The following BANK1 variants were observed in gnomAD, a reference collection of about 807,000 sequenced individuals.
BANK1 encodes B-cell scaffold protein with ankyrin repeats.
In BANK1, 95 loss-of-function variants were observed where a neutral mutation model predicts 94.5. That is an observed-to-expected ratio of 1.00 (90% CI 0.85 to 1.19). BANK1 has a LOEUF of 1.19. BANK1 is among the 50% of genes most tolerant of loss of function. The pLI is 0.00. For missense variants in BANK1, 987 were observed against 932.2 expected, an observed-to-expected ratio of 1.06 and a Z score of -0.77; for synonymous variants, 334 against 308.4, an observed-to-expected ratio of 1.08 and a Z score of -0.87.
intron 7 of BANK1, among the ~76,000 whole-genome samples, chr4:101,963,683 G>A (rs1425356149): frequency 6.6e-6 from 1 of 151,976 alleles, no homozygotes; most frequent in Non-Finnish European, 1.5e-5. Flanking sequence ...ATTTTAGTTT[G>A]AGATACAATG....
chr4:102,013,025 A>G (rs754988307), intron 7 of BANK1, among the ~76,000 whole-genome samples: 16 of 152,150 alleles, frequency 1.1e-4, no homozygotes, highest in Non-Finnish European at 1.9e-4. Context: ...TACTGTGGAC[A>G]TAGTGTTACT....
At chr4:102,009,508 A>G (rs1190358658) in intron 7 of BANK1, among the ~76,000 whole-genome samples, 5 of 152,208 alleles carry the variant, frequency 3.3e-5, no homozygotes, top group Non-Finnish European at 2.9e-5. Flanking sequence ...AAATGTTGTC[A>G]GCTGTCTCTC....
chr4:101,884,915 T>C (rs1280277143), intron 5 of BANK1, among the ~76,000 whole-genome samples: 1 of 152,156 alleles, frequency 6.6e-6, no homozygotes, highest in African/African-American at 2.4e-5. Flanking sequence ...TGTTTTGTTT[T>C]GTTTTTTTCT....
At chr4:101,898,353 AAG>A (rs1426487626) in intron 6 of BANK1, among the ~76,000 whole-genome samples, 1 of 151,970 alleles carries the variant, frequency 6.6e-6, no homozygotes, top group African/African-American at 2.4e-5. Flanking sequence ...GGGAATTGGA[AAG>A]AGAAATGGTG....
intron 4 of BANK1, among the ~76,000 whole-genome samples, chr4:101,867,752 TA>T (rs933007024): frequency 6.5e-5 from 9 of 137,546 alleles, no homozygotes; most frequent in South Asian, 2.2e-4. Flanking sequence ...AAAGTATAAT[TA>T]AAAAAAATAA....
intron 15 of BANK1, among the ~76,000 whole-genome samples, chr4:102,072,643 T>C (rs554548354): frequency 6.6e-6 from 1 of 152,114 alleles, no homozygotes. Context: ...AAATTCAACA[T>C]GTACAGACCA....
chr4:101,932,851 A>C (rs1026926498), intron 7 of BANK1, among the ~76,000 whole-genome samples: 1 of 151,672 alleles, frequency 6.6e-6, no homozygotes, highest in Non-Finnish European at 1.5e-5. Context: ...CATGGGTAAA[A>C]ATTACAGACT....
intron 7 of BANK1, among the ~76,000 whole-genome samples, chr4:101,950,018 G>GGTGTGTATGT (rs1553935087): frequency 1.3e-5 from 2 of 149,304 alleles, no homozygotes; most frequent in African/African-American, 5.0e-5. Context: ...GGAAGTAAGG[G>GGTGTGTATGT]GTGTGTGTGT....
chr4:101,800,705 A>T (rs1725330561), intron 1 of BANK1, among the ~76,000 whole-genome samples: 1 of 152,252 alleles, frequency 6.6e-6, no homozygotes, highest in East Asian at 1.9e-4. Flanking sequence ...TGGTAATATA[A>T]ATTTAGGCAA....
intron 10 of BANK1, among the ~76,000 whole-genome samples, chr4:102,031,850 A>G (rs1727327559): frequency 6.6e-6 from 1 of 152,226 alleles, no homozygotes; most frequent in African/African-American, 2.4e-5. Context: ...AGATTCATAT[A>G]AGAAAATTTA....
At chr4:102,015,239 T>C (rs114714559) in intron 7 of BANK1, among the ~76,000 whole-genome samples, 1,740 of 152,194 alleles carry the variant, frequency 0.011, 30 homozygotes, top group African/African-American at 0.04. Context: ...ATTTATAGTT[T>C]GAAATTCAGT....
chr4:102,060,584 T>A (rs562519689), intron 12 of BANK1, among the ~76,000 whole-genome samples, 195 bp downstream of exon 12: 1 of 152,334 alleles, frequency 6.6e-6, no homozygotes, highest in African/African-American at 2.4e-5. Context: ...GTGAAGTCAA[T>A]CCTCTAACCC....
intron 7 of BANK1, among the ~76,000 whole-genome samples, chr4:101,928,596 T>C (rs1422359148): frequency 2.6e-5 from 4 of 151,690 alleles, no homozygotes; most frequent in Admixed American, 2.6e-4. Context: ...CAAATTTGGC[T>C]CTTGGTAAAA....
At chr4:101,949,830 C>G (rs941525727) in intron 7 of BANK1, among the ~76,000 whole-genome samples, 6 of 152,034 alleles carry the variant, frequency 3.9e-5, no homozygotes, top group African/African-American at 1.4e-4. Flanking sequence ...TGAAATTGAG[C>G]CTAAATTTCT....
At chr4:101,997,335 T>G (rs565170096) in intron 7 of BANK1, among the ~76,000 whole-genome samples, 1 of 152,336 alleles carries the variant, frequency 6.6e-6, no homozygotes, top group Non-Finnish European at 1.5e-5. Flanking sequence ...AGTTTGCCAG[T>G]ATTTTATTGA....
chr4:101,855,060 C>A lies in BANK1; in HGVS notation c.495C>A (p.Asn165Lys). 1 of 1,612,326 alleles carries A rather than the reference C, an allele frequency of 6.2e-7. No homozygotes were observed. The highest frequency in any genetic ancestry group is 8.5e-7 in the Non-Finnish European group (1 of 1,178,638). Residue 165 changes from asparagine to lysine, a missense_variant, in exon 3 of 17, where the codon AAC becomes AAA. By Grantham distance (94) the Asn-to-Lys change is moderately conservative (BLOSUM62 0). Transcript: ENST00000322953. ...FKDSEDYFEVNIPTDLRAKHS... is the reference protein window; with the variant it reads ...FKDSEDYFEVKIPTDLRAKHS... ...ATTCTGAAGACTACTTTGAGGTCAA[C>A]ATTCCAACAGACCTACGAGCAAAAC... is the stretch of plus-strand genomic sequence containing the variant.
At chr4:101,894,293 C>T (rs1237851058) in intron 5 of BANK1, among the ~76,000 whole-genome samples, 1 of 152,094 alleles carries the variant, frequency 6.6e-6, no homozygotes, top group African/African-American at 2.4e-5. Flanking sequence ...TTACTAGATG[C>T]TTATGAATGC....
intron 2 of BANK1, among the ~76,000 whole-genome samples, chr4:101,844,416 G>C (rs533065890): frequency 6.6e-6 from 1 of 152,164 alleles, no homozygotes; most frequent in African/African-American, 2.4e-5. Context: ...GACTGCAATG[G>C]CAAACCAGGT....
At chr4:101,893,189 A>C (rs191762252) in intron 5 of BANK1, among the ~76,000 whole-genome samples, 357 of 152,006 alleles carry the variant, frequency 2.3e-3, no homozygotes, top group Non-Finnish European at 3.7e-3. Context: ...TAACTATATT[A>C]TCTATGGCAT....
Sources: gnomAD v4.1 joint callset for allele counts (sites outside exome capture counted in the v4.1 genomes callset) on GRCh38, gnomAD v4.1.1 for gene constraint, MANE v1.5 for transcripts, NCBI Gene and HGNC (gene_info 2026-07-23, HGNC 2026-07-21) for gene names.